Variants in TRMT11 observed in about 807,000 individuals in gnomAD.
The protein encoded by TRMT11 is tRNA methyltransferase 11.
Under a neutral mutation model 62.8 loss-of-function variants are expected in TRMT11, and 53 were observed. The ratio of observed to expected loss-of-function variants is 0.84; its 90% CI spans 0.68 to 1.06. The LOEUF (loss-of-function observed/expected upper bound fraction) is 1.06. Ranked by LOEUF, TRMT11 falls within the 50% of genes least tolerant of loss-of-function variation. TRMT11 has a pLI of 0.00. For synonymous variants in TRMT11, 188 were observed against 190.3 expected, an observed-to-expected ratio of 0.99 and a Z score of 0.10; for missense variants, 556 against 553.4, an observed-to-expected ratio of 1.00 and a Z score of -0.05.
intron 21 of TRMT11, among the ~76,000 whole-genome samples, chr6:126,137,148 G>A (rs376206343): frequency 2.0e-3 from 311 of 151,708 alleles, no homozygotes; most frequent in Middle Eastern, 0.01. Context: ...ATTACATAAA[G>A]CTAAAAAGCT....
chr6:126,155,149 T>C (rs1459100067), intron 21 of TRMT11, among the ~76,000 whole-genome samples: 1 of 152,310 alleles, frequency 6.6e-6, no homozygotes, highest in East Asian at 1.9e-4. Flanking sequence ...CAGCATCTTC[T>C]TATGGGGCCC....
At chr6:126,138,528 A>G (rs1777878216) in intron 21 of TRMT11, among the ~76,000 whole-genome samples, 4 of 152,002 alleles carry the variant, frequency 2.6e-5, no homozygotes, top group Admixed American at 2.6e-4. Context: ...CTGTGGCTAT[A>G]CCTGAGGTAA....
intron 12 of TRMT11, among the ~76,000 whole-genome samples, chr6:126,038,457 A>G (rs1775601044): frequency 6.7e-6 from 1 of 148,862 alleles, no homozygotes; most frequent in Non-Finnish European, 1.5e-5. Flanking sequence ...AAAAAAAGAA[A>G]AAAAGAAATT....
the TRMT11 span, among the ~76,000 whole-genome samples, chr6:126,252,820 G>A: frequency 1.2e-4 from 18 of 152,200 alleles, no homozygotes; most frequent in South Asian, 2.9e-3. Context: ...GAACTTTTCC[G>A]GAATAACGAA....
At chr6:126,125,023 T>A (rs1387586585) in intron 21 of TRMT11, among the ~76,000 whole-genome samples, 1 of 152,064 alleles carries the variant, frequency 6.6e-6, no homozygotes, top group Non-Finnish European at 1.5e-5. Context: ...CTTATATTAA[T>A]CTTTAATTAA....
the TRMT11 span, chr6:126,258,279 A>C: frequency 9.8e-6 from 5 of 510,584 alleles, no homozygotes; most frequent in South Asian, 8.1e-5. Flanking sequence ...GGGCTCTGAA[A>C]GTAAACACGT....
the TRMT11 span, among the ~76,000 whole-genome samples, chr6:126,246,114 C>G: frequency 6.6e-6 from 1 of 151,822 alleles, no homozygotes; most frequent in South Asian, 2.1e-4. Context: ...AACCTCGTCT[C>G]TTAAAAAAAA....
At chr6:126,023,806 TGTG>T (rs1006041312) in intron 12 of TRMT11, among the ~76,000 whole-genome samples, 1 of 152,240 alleles carries the variant, frequency 6.6e-6, no homozygotes. Flanking sequence ...AAGAGTCTCT[TGTG>T]GTGTTCTCAG....
intron 1 of TRMT11, among the ~76,000 whole-genome samples, chr6:126,191,051 C>T (rs111498200): frequency 0.025 from 3,831 of 152,256 alleles, 152 homozygotes; most frequent in African/African-American, 0.087. Context: ...TACATTCACA[C>T]CATCCACTGT....
chr6:126,254,414 T>G, the TRMT11 span, among the ~76,000 whole-genome samples: 1 of 152,172 alleles, frequency 6.6e-6, no homozygotes, highest in Admixed American at 6.5e-5. Context: ...TAACAAGAAT[T>G]TAGCAACTAT....
At chr6:126,175,334 A>G (rs1033489309), upstream of TRMT11, among the ~76,000 whole-genome samples, 3 of 152,196 alleles carry the variant, frequency 2.0e-5, no homozygotes, top group Admixed American at 6.5e-5. Context: ...TAGGTTTAGT[A>G]AGTTTTGTGT....
chr6:126,270,079 G>A, the TRMT11 span, among the ~76,000 whole-genome samples: 1 of 152,086 alleles, frequency 6.6e-6, no homozygotes, highest in South Asian at 2.1e-4. Context: ...TGGAATACAA[G>A]CAGTATTTCA....
chr6:126,257,898 C>T, the TRMT11 span: 2 of 1,454,858 alleles, frequency 1.4e-6, no homozygotes, highest in South Asian at 1.1e-5. Flanking sequence ...TCCTGAGCCA[C>T]CATTCACCTG....
chr6:126,103,023 T>A (rs1174374780), intron 17 of TRMT11, among the ~76,000 whole-genome samples: 1 of 152,184 alleles, frequency 6.6e-6, no homozygotes, highest in Non-Finnish European at 1.5e-5. Flanking sequence ...GTTTTCTATT[T>A]CCTGTCTCAA....
intron 1 of TRMT11, among the ~76,000 whole-genome samples, chr6:126,183,318 C>T (rs1778488669): frequency 6.6e-6 from 1 of 152,088 alleles, no homozygotes. Context: ...CCAAATAGCA[C>T]TCCAAGTTAA....
At chr6:126,232,849 G>C in the TRMT11 span, among the ~76,000 whole-genome samples, 1 of 152,184 alleles carries the variant, frequency 6.6e-6, no homozygotes, top group Non-Finnish European at 1.5e-5. Context: ...TTCTTGGAAA[G>C]TTTCTAATGC....
chr6:126,222,697 C>T, the TRMT11 span, among the ~76,000 whole-genome samples: 1 of 151,968 alleles, frequency 6.6e-6, no homozygotes, highest in African/African-American at 2.4e-5. Flanking sequence ...TTCTCTATCC[C>T]TTTACTTTGA....
At chr6:126,040,942 T>A (rs139032197), downstream of TRMT11, among the ~76,000 whole-genome samples, 17 of 152,206 alleles carry the variant, frequency 1.1e-4, no homozygotes, top group African/African-American at 4.1e-4. Context: ...AAGTTTAAAA[T>A]CTGCTACAAT....
chr6:126,003,855 CTAAT>C (rs1487559727), intron 7 of TRMT11, among the ~76,000 whole-genome samples: 1 of 151,958 alleles, frequency 6.6e-6, no homozygotes, highest in Non-Finnish European at 1.5e-5. Context: ...GACTTTGCTA[CTAAT>C]TGATTTTTGC....
Sources: gnomAD v4.1 joint callset for allele counts (sites outside exome capture counted in the v4.1 genomes callset) on GRCh38, gnomAD v4.1.1 for gene constraint, MANE v1.5 for transcripts, NCBI Gene and HGNC (gene_info 2026-07-23, HGNC 2026-07-21) for gene names.